Variants in PRDM1 observed in about 807,000 individuals in gnomAD.
PRDM1 encodes the protein PR/SET domain 1.
A neutral mutation model predicts 62.8 loss-of-function variants in PRDM1; 13 were observed. That is an observed-to-expected ratio of 0.21 (90% confidence interval 0.13 to 0.33). The LOEUF (loss-of-function observed/expected upper bound fraction) is 0.33, where lower values mean the gene tolerates loss of function less well. Ranked by LOEUF, PRDM1 falls within the 10% of genes least tolerant of loss-of-function variation. The pLI, the probability that PRDM1 is intolerant of heterozygous loss-of-function variation, is 1.00. For synonymous variants in PRDM1, 396 were observed against 417.6 expected, an observed-to-expected ratio of 0.95 and a Z score of 0.63; for missense variants, 895 against 1,058.8, an observed-to-expected ratio of 0.85 and a Z score of 2.15.
chr6:106,003,945 A>G (rs1772455961), intron 1 of PRDM1, among the ~76,000 whole-genome samples: 1 of 152,160 alleles, frequency 6.6e-6, no homozygotes. Flanking sequence ...TGGAGGAGTG[A>G]CAGATGGAGG....
intron 1 of PRDM1, among the ~76,000 whole-genome samples, chr6:106,036,581 T>C (rs748746008): frequency 3.9e-5 from 6 of 152,176 alleles, no homozygotes; most frequent in African/African-American, 1.2e-4. Context: ...TCTTTGTACA[T>C]TGTATGCTCA....
At chr6:106,049,730 G>T (rs987970911) in intron 1 of PRDM1, among the ~76,000 whole-genome samples, 2 of 152,212 alleles carry the variant, frequency 1.3e-5, no homozygotes, top group Non-Finnish European at 2.9e-5. Context: ...TACTATGCCA[G>T]ACTGGAAACT....
At chr6:106,056,613 A>G (rs1773271206) in intron 1 of PRDM1, among the ~76,000 whole-genome samples, 1 of 152,196 alleles carries the variant, frequency 6.6e-6, no homozygotes, top group South Asian at 2.1e-4. Flanking sequence ...GTGGTCAGTA[A>G]AGGAACTACT....
chr6:106,094,092 G>A (rs750173912), intron 2 of PRDM1, among the ~76,000 whole-genome samples: 25 of 152,154 alleles, frequency 1.6e-4, no homozygotes, highest in Non-Finnish European at 2.8e-4. Flanking sequence ...ATGAGGAACT[G>A]GTGTATATTG....
At chr6:105,998,929 ATATATTTTTTTTTTTT>A (rs1772393502) in intron 1 of PRDM1, among the ~76,000 whole-genome samples, 2 of 2,102 alleles carry the variant, frequency 9.5e-4, no homozygotes, top group African/African-American at 4.2e-3. Flanking sequence ...ATATATATAT[ATATATTTTTTTTTTTT>A]TTTTTCTTTT....
At chr6:106,086,722 A>G in intron 1 of PRDM1, 127 bp downstream of exon 1, 2 of 755,068 alleles carry the variant, frequency 2.6e-6, no homozygotes, top group Non-Finnish European at 4.3e-6. Flanking sequence ...CTTCTGCTTT[A>G]GTGCACTTAG....
chr6:106,020,217 A>G (rs1318569773), intron 1 of PRDM1, among the ~76,000 whole-genome samples: 7 of 151,284 alleles, frequency 4.6e-5, no homozygotes, highest in Non-Finnish European at 7.4e-5. Context: ...AAACAAAAAC[A>G]TGAAAGTTAA....
intron 3 of PRDM1, chr6:106,095,942 C>G (rs1253241023): frequency 1.8e-6 from 1 of 545,708 alleles, no homozygotes; most frequent in Admixed American, 3.1e-5. Context: ...GATGGAGATA[C>G]GGGCTATATG....
intron 1 of PRDM1, among the ~76,000 whole-genome samples, chr6:106,026,318 A>G (rs1772766755): frequency 6.6e-6 from 1 of 151,940 alleles, no homozygotes; most frequent in Non-Finnish European, 1.5e-5. Context: ...GTCTCTACTA[A>G]AAAATACAAA....
chr6:106,054,102 G>A (rs1261419216), intron 1 of PRDM1, among the ~76,000 whole-genome samples: 1 of 151,980 alleles, frequency 6.6e-6, no homozygotes, highest in Non-Finnish European at 1.5e-5. Flanking sequence ...CTATTGCTTG[G>A]TTAAGGGGTT....
At chr6:106,050,939 G>T (rs1286441023) in intron 1 of PRDM1, among the ~76,000 whole-genome samples, 1 of 152,170 alleles carries the variant, frequency 6.6e-6, no homozygotes, top group East Asian at 1.9e-4. Context: ...GTGATAAATT[G>T]TGCTTAGAAA....
Position 106,106,786 on chromosome 6 carries a change from A to C in PRDM1, c.1903-125A>C. 8.9e-7 allele frequency: 1 copy of C among 1,118,048 alleles called. No individual in the cohort carries two copies. The highest frequency in any genetic ancestry group is 1.3e-6 in the Non-Finnish European group (1 of 784,110). 69.3% of individuals were successfully genotyped at this position (1,118,048 alleles called of 1,614,324 possible). A position where few individuals can be genotyped will look rare whatever the true frequency, so the allele number is the denominator to read the frequency against. ...CTTAATACCACACTGGAGGTGCCAC[A>C]AGGAGGCTTCTCACCTCCTAGGTTG... On this transcript the variant is annotated intron_variant, in intron 6 of 6. Coordinates refer to ENST00000369096, the MANE Select transcript of PRDM1 (RefSeq NM_001198.4). This position sits in a 1 kb window ranked among gnomAD's most constrained non-coding sequence, Gnocchi z 4.4.
intron 1 of PRDM1, among the ~76,000 whole-genome samples, chr6:106,023,470 TC>T (rs1484952338): frequency 9.2e-5 from 3 of 32,766 alleles, no homozygotes; most frequent in Non-Finnish European, 1.7e-4. Context: ...CGAGACTCTG[TC>T]TCAAAAAAAA....
chr6:106,066,895 T>C (rs896487348), intron 1 of PRDM1, among the ~76,000 whole-genome samples: 3 of 152,224 alleles, frequency 2.0e-5, no homozygotes, highest in African/African-American at 4.8e-5. Flanking sequence ...TATGGTAAAG[T>C]ATTTGAACCA....
At chr6:106,006,007 A>G (rs1167728641) in intron 1 of PRDM1, among the ~76,000 whole-genome samples, 1 of 152,222 alleles carries the variant, frequency 6.6e-6, no homozygotes, top group Non-Finnish European at 1.5e-5. Context: ...ACTCTAGATG[A>G]GGCACTTCTA....
At chr6:106,045,066 T>A (rs1773052521), upstream of PRDM1, among the ~76,000 whole-genome samples, 1 of 152,190 alleles carries the variant, frequency 6.6e-6, no homozygotes. Context: ...TTAGAATACA[T>A]GTTTAAGTGA....
intron 1 of PRDM1, among the ~76,000 whole-genome samples, chr6:106,075,170 T>A (rs1320209049): frequency 6.6e-6 from 1 of 152,234 alleles, no homozygotes; most frequent in Non-Finnish European, 1.5e-5. Flanking sequence ...TTTCTTAATA[T>A]ATCAGCATAC....
chr6:106,000,133 G>A (rs569329291), intron 1 of PRDM1, among the ~76,000 whole-genome samples: 2 of 152,366 alleles, frequency 1.3e-5, no homozygotes, highest in Non-Finnish European at 2.9e-5. Context: ...ACAGGCGTGA[G>A]CCACCGCGCC....
At position 106,050,770 on chromosome 6, in the gene PRDM1, C is replaced by A. The variant is rs533833246; in HGVS notation, c.-67+2056C>A. ...TAGGTGGATTTTGGCCATTCATATT[C>A]TTTCTCTTTTCTTCTCTGAGTTAAA... On this transcript the variant is annotated intron_variant, in intron 1 of 6. Coordinates refer to the PRDM1 transcript ENST00000651185. Among the ~76,000 whole-genome samples, 5 of 152,284 alleles carry A rather than the reference C, an allele frequency of 3.3e-5. No homozygotes were observed. In the South Asian group the frequency reaches 1.0e-3, roughly 32 times the overall value.
Sources: allele counts gnomAD v4.1 joint callset (sites outside exome capture counted in the v4.1 genomes callset), GRCh38; gene constraint gnomAD v4.1.1; non-coding constraint Gnocchi (gnomAD v3.1); transcripts MANE v1.5; gene names NCBI Gene and HGNC (gene_info 2026-07-23, HGNC 2026-07-21).